Variants in FBXO22 observed in about 807,000 individuals in gnomAD.
FBXO22 encodes F-box only protein 22.
In FBXO22, 13 loss-of-function variants were observed where a neutral mutation model predicts 37.2. That is an observed-to-expected ratio of 0.35 (90% CI 0.23 to 0.56). The LOEUF (loss-of-function observed/expected upper bound fraction) is 0.56. Among genes scored for constraint, FBXO22 ranks in the 20% least tolerant of loss-of-function variants. The probability of loss-of-function intolerance (pLI) is 0.87; values close to 1 mark genes in which losing one functional copy is unlikely to be tolerated. For synonymous variants in FBXO22, 189 were observed against 189.1 expected, an observed-to-expected ratio of 1.00 and a Z score of 0.00; for missense variants, 446 against 509.9, an observed-to-expected ratio of 0.87 and a Z score of 1.21.
intron 5 of FBXO22, among the ~76,000 whole-genome samples, chr15:75,922,043 AAG>A: frequency 1.3e-5 from 2 of 152,276 alleles, no homozygotes; most frequent in African/African-American, 4.8e-5. Context: ...TTACAATTAA[AAG>A]TATAGGATAG....
intron 6 of FBXO22, among the ~76,000 whole-genome samples, chr15:75,931,138 A>G (rs2029993852): frequency 6.6e-6 from 1 of 152,046 alleles, no homozygotes; most frequent in East Asian, 1.9e-4. Flanking sequence ...TTGTGTACGG[A>G]TAGGGCAATG....
At position 75,917,200 on chromosome 15, in the gene FBXO22, A is replaced by G. The variant is rs202138375; in HGVS notation, c.464-30A>G. On this transcript the variant is annotated intron_variant, in intron 4 of 6. Coordinates refer to ENST00000308275, the MANE Select transcript of FBXO22 (RefSeq NM_147188.3). ...TAGTTATCTAGTTTTTACTGACTCT[A>G]TTGGTGAAACTGTTTAACTTTTTCT... 7.8e-4 allele frequency: 1,221 copies of G among 1,560,856 alleles called. 2 individuals carry two copies. Among genetic ancestry groups the G allele is most frequent in the Non-Finnish European group, 9.4e-4 (1,077 of 1,144,346 alleles).
At chr15:75,904,734 C>CTG in intron 2 of FBXO22, 105 bp downstream of exon 2, 1 of 529,156 alleles carries the variant, frequency 1.9e-6, no homozygotes, top group Non-Finnish European at 2.8e-6. Flanking sequence ...AGGAACATCT[C>CTG]GTTCCGTGAA....
At chr15:75,927,221 C>T (rs1900463774) in intron 5 of FBXO22, among the ~76,000 whole-genome samples, 1 of 152,166 alleles carries the variant, frequency 6.6e-6, no homozygotes, top group Non-Finnish European at 1.5e-5. Context: ...GACTCAGCCT[C>T]TAGGCTAAAC....
At chr15:75,928,147 G>A (rs762018895) in intron 5 of FBXO22, among the ~76,000 whole-genome samples, 21 of 152,106 alleles carry the variant, frequency 1.4e-4, no homozygotes, top group African/African-American at 4.6e-4. Context: ...ATACACTGTC[G>A]GTGGGAGTGT....
intron 6 of FBXO22, chr15:75,930,956 T>C (rs948428980): frequency 2.7e-6 from 2 of 730,974 alleles, no homozygotes; most frequent in African/African-American, 1.9e-5. Flanking sequence ...ATAGCTAAAG[T>C]TGAGGTCCCT....
Position 75,933,135 on chromosome 15 carries a change from T to C in FBXO22, c.*33T>C, listed in dbSNP as rs1213955984. ...AGTGGCTTTCATAATATGTAACTTT[T>C]GGGTTCTGCCTTTTTCAGAAAATGG... On this transcript the variant is annotated 3_prime_UTR_variant, in exon 7 of 7. Coordinates refer to ENST00000308275, the MANE Select transcript of FBXO22 (RefSeq NM_147188.3). 7 of 1,543,620 alleles carry C rather than the reference T, an allele frequency of 4.5e-6. No homozygotes were observed. In the South Asian group the frequency reaches 8.8e-5, roughly 19 times the overall value.
At chr15:75,931,595 T>C (rs530669634) in intron 6 of FBXO22, among the ~76,000 whole-genome samples, 4 of 152,354 alleles carry the variant, frequency 2.6e-5, no homozygotes, top group African/African-American at 9.6e-5. Context: ...CTTAACCTTT[T>C]TGCGTCTTAG....
At chr15:75,926,139 C>T (rs1469872878) in intron 5 of FBXO22, among the ~76,000 whole-genome samples, 4 of 152,174 alleles carry the variant, frequency 2.6e-5, no homozygotes, top group Non-Finnish European at 5.9e-5. Context: ...TTGTGGTAAG[C>T]TCCTGCTAAT....
intron 2 of FBXO22, among the ~76,000 whole-genome samples, chr15:75,904,971 C>T (rs1388650695): frequency 2.0e-5 from 3 of 152,056 alleles, no homozygotes; most frequent in African/African-American, 7.2e-5. Flanking sequence ...CTACAGGCGC[C>T]CGCCACCATG....
At chr15:75,904,419 G>C in intron 1 of FBXO22, 72 bp from the exon 2 acceptor site, 1 of 1,599,808 alleles carries the variant, frequency 6.3e-7, no homozygotes, top group Non-Finnish European at 8.5e-7. Flanking sequence ...GCCAGCGGGT[G>C]GGGGTTTGTG....
intron 1 of FBXO22, 174 bp from the exon 2 acceptor site, chr15:75,904,317 C>T: frequency 1.8e-6 from 2 of 1,132,940 alleles, no homozygotes; most frequent in Non-Finnish European, 2.5e-6. Flanking sequence ...TTAAGGTTTT[C>T]TCCATATCTG....
At chr15:75,911,140 A>G (rs1900043002) in intron 2 of FBXO22, among the ~76,000 whole-genome samples, 1 of 152,226 alleles carries the variant, frequency 6.6e-6, no homozygotes, top group African/African-American at 2.4e-5. Flanking sequence ...TTTTGGTACC[A>G]GTACCATGCT....
intron 2 of FBXO22, 61 bp downstream of exon 2, chr15:75,904,690 CTAT>C: frequency 1.3e-6 from 2 of 1,498,148 alleles, no homozygotes; most frequent in Non-Finnish European, 8.9e-7. Context: ...TCTTTGAGAA[CTAT>C]TTTTTTTTAA....
At chr15:75,912,070 A>T (rs1434044051) in intron 2 of FBXO22, among the ~76,000 whole-genome samples, 2 of 151,516 alleles carry the variant, frequency 1.3e-5, no homozygotes, top group Non-Finnish European at 2.9e-5. Context: ...TGTTTATATG[A>T]CGTGTATTGA....
At chr15:75,932,562 C>T (rs2030077046) in intron 6 of FBXO22, 123 bp from the exon 7 acceptor site, 1 of 873,826 alleles carries the variant, frequency 1.1e-6, no homozygotes, top group Non-Finnish European at 1.8e-6. Flanking sequence ...TGAGGGTGAG[C>T]CTCAGATTAA....
At chr15:75,910,400 C>G (rs1900028018) in intron 2 of FBXO22, 1 of 152,230 alleles carries the variant, frequency 6.6e-6, no homozygotes, top group African/African-American at 2.4e-5. Context: ...TGAAAGTGTT[C>G]CTGTTTCTCC....
chr15:75,929,514 G>GTTT (rs35139316), intron 5 of FBXO22, among the ~76,000 whole-genome samples: 8 of 142,602 alleles, frequency 5.6e-5, no homozygotes, highest in Non-Finnish European at 7.6e-5. Flanking sequence ...GTAAACCAGT[G>GTTT]TTTTTTTTTT....
rs2030125812 is a variant in FBXO22, at chr15:75,933,158, T to G, written c.*56T>G. ...TTTGGGTTCTGCCTTTTTCAGAAAA[T>G]GGAAACTTGGGCCATGTGTATTTCA... On this transcript the variant is annotated 3_prime_UTR_variant, in exon 7 of 7. Coordinates refer to ENST00000308275, the MANE Select transcript of FBXO22 (RefSeq NM_147188.3). 2 of 1,450,330 alleles carry G rather than the reference T, an allele frequency of 1.4e-6. No homozygotes were observed. The highest frequency in any genetic ancestry group is 1.4e-5 in the African/African-American group (1 of 70,200). 89.8% of individuals were successfully genotyped at this position (1,450,330 alleles called of 1,614,324 possible). A position where few individuals can be genotyped will look rare whatever the true frequency, so the allele number is the denominator to read the frequency against.
Sources: allele counts gnomAD v4.1 joint callset (sites outside exome capture counted in the v4.1 genomes callset), GRCh38; gene constraint gnomAD v4.1.1; transcripts MANE v1.5; gene names NCBI Gene and HGNC (gene_info 2026-07-23, HGNC 2026-07-21).